Variants in MARCHF7 observed in about 807,000 individuals in gnomAD.
MARCHF7 encodes membrane associated ring-CH-type finger 7.
Under a neutral mutation model 76.5 loss-of-function variants are expected in MARCHF7, and 20 were observed. The ratio of observed to expected loss-of-function variants is 0.26; its 90% CI spans 0.18 to 0.38. The LOEUF (loss-of-function observed/expected upper bound fraction) is 0.38. Among genes scored for constraint, MARCHF7 ranks in the 10% least tolerant of loss-of-function variants. The pLI is 1.00. For synonymous variants in MARCHF7, 295 were observed against 293.0 expected, an observed-to-expected ratio of 1.01 and a Z score of -0.07; for missense variants, 797 against 812.9, an observed-to-expected ratio of 0.98 and a Z score of 0.24.
chr2:159,723,949 A>T (rs1309121829), intron 3 of MARCHF7, among the ~76,000 whole-genome samples: 1 of 152,134 alleles, frequency 6.6e-6, no homozygotes, highest in East Asian at 1.9e-4. Context: ...TTTGCTTGCC[A>T]TGCTTTCTGC....
intron 7 of MARCHF7, among the ~76,000 whole-genome samples, chr2:159,749,581 CA>C (rs1426932660): frequency 6.6e-6 from 1 of 152,002 alleles, no homozygotes; most frequent in African/African-American, 2.4e-5. Flanking sequence ...CTCCTGACCT[CA>C]AATGATCCAC....
At chr2:159,734,428 A>C (rs1477639211) in intron 4 of MARCHF7, among the ~76,000 whole-genome samples, 1 of 152,118 alleles carries the variant, frequency 6.6e-6, no homozygotes, top group East Asian at 1.9e-4. Context: ...ACCTTATGCA[A>C]GTGTAGTTTT....
chr2:159,767,176 A>G lies in MARCHF7; in HGVS notation c.2057-108A>G, dbSNP rs1240680755. On this transcript the variant is annotated intron_variant, in intron 11 of 11. Coordinates refer to ENST00000409175, the MANE Select transcript of MARCHF7 (RefSeq NM_001282805.2). ...TCATTTTGATCAAACAATATACTAAATTGGGATTTTTGTTTTTACAAGTCA... is the reference window on the plus strand; with the variant it reads ...TCATTTTGATCAAACAATATACTAAGTTGGGATTTTTGTTTTTACAAGTCA... 8 of 771,872 alleles carry G rather than the reference A, an allele frequency of 1.0e-5. No homozygotes were observed. The African/African-American group carries it at 1.2e-4, about 12-fold the overall frequency. The allele number at this position is 771,872 out of a possible 1,614,324, so 47.8% of individuals were successfully genotyped here.
intron 4 of MARCHF7, among the ~76,000 whole-genome samples, chr2:159,731,880 G>A (rs780590497): frequency 1.1e-4 from 17 of 151,904 alleles, no homozygotes; most frequent in Non-Finnish European, 1.9e-4. Flanking sequence ...TTAGGCAGGC[G>A]GATCACAAGG....
Position 159,750,976 on chromosome 2 carries a change from C to A in MARCHF7, c.1614-1426C>A, listed in dbSNP as rs113252110. Reference sequence around the variant, plus strand: ...ATTGGGCTACCATACTCCTATTTTTCATTTTATAGGACAGATTTTACCATG... The same window carrying A: ...ATTGGGCTACCATACTCCTATTTTTAATTTTATAGGACAGATTTTACCATG... On this transcript the variant is annotated intron_variant, in intron 7 of 11. Transcript: ENST00000409175. Among the ~76,000 whole-genome samples, 626 of 152,220 alleles carry A rather than the reference C, an allele frequency of 4.1e-3. 3 individuals carry two copies. Among genetic ancestry groups the A allele is most frequent in the African/African-American group, 0.014 (572 of 41,548 alleles).
At chr2:159,759,881 G>A (rs1307717376) in intron 9 of MARCHF7, among the ~76,000 whole-genome samples, 2 of 152,184 alleles carry the variant, frequency 1.3e-5, no homozygotes, top group Non-Finnish European at 2.9e-5. Flanking sequence ...ATGACTGTTT[G>A]AGGCCAGGAG....
intron 7 of MARCHF7, 140 bp downstream of exon 7, chr2:159,749,043 A>C: frequency 1.0e-6 from 1 of 966,704 alleles, no homozygotes; most frequent in Non-Finnish European, 1.4e-6. Flanking sequence ...TAATGGCACC[A>C]TCTCGGCTCA....
intron 4 of MARCHF7, among the ~76,000 whole-genome samples, chr2:159,739,329 A>G (rs1462086072): frequency 6.6e-6 from 1 of 152,246 alleles, no homozygotes; most frequent in African/African-American, 2.4e-5. Flanking sequence ...TGCTGCTGCC[A>G]TCACAGCTGT....
At chr2:159,745,238 G>A (rs1459888231) in intron 5 of MARCHF7, among the ~76,000 whole-genome samples, 1 of 152,178 alleles carries the variant, frequency 6.6e-6, no homozygotes, top group Admixed American at 6.5e-5. Flanking sequence ...TTTAATGTTA[G>A]GCAGAGAAGA....
intron 3 of MARCHF7, among the ~76,000 whole-genome samples, chr2:159,725,209 G>A (rs1404987420): frequency 6.6e-6 from 1 of 152,182 alleles, no homozygotes; most frequent in Admixed American, 6.5e-5. Context: ...GTAATGGGAT[G>A]GCTGGGTCAA....
chr2:159,767,195 C>G, intron 11 of MARCHF7, 89 bp from the exon 12 acceptor site: 1 of 901,998 alleles, frequency 1.1e-6, no homozygotes, highest in Non-Finnish European at 1.8e-6. Context: ...TTTGTTTTTA[C>G]AAGTCATTGC....
At position 159,769,792 on chromosome 2, in the gene MARCHF7, TGTATG is replaced by T. The variant is rs1708076336; in HGVS notation, c.*2452_*2456del. ...AGTATCAAAATGTACAAAAGAAAGT[TGTATG>T]GGAGTTGAGTGGAAGGTAGGATTTA... On this transcript the variant is annotated 3_prime_UTR_variant, in exon 12 of 12. Transcript: ENST00000409175. The T allele has an allele frequency of 6.6e-6, 1 of 152,230 alleles. No homozygotes were observed. Among genetic ancestry groups the T allele is most frequent in the Admixed American group, 6.5e-5 (1 of 15,288 alleles). The allele number at this position is 152,230 out of a possible 1,614,324, so 9.4% of individuals were successfully genotyped here. A position where few individuals can be genotyped will look rare whatever the true frequency, so the allele number is the denominator to read the frequency against.
intron 4 of MARCHF7, among the ~76,000 whole-genome samples, chr2:159,736,405 T>C (rs540278647): frequency 6.6e-6 from 1 of 152,364 alleles, no homozygotes; most frequent in African/African-American, 2.4e-5. Context: ...ATTGGCCGTT[T>C]ACTGTACATT....
chr2:159,729,469 G>A (rs968211836), intron 4 of MARCHF7, among the ~76,000 whole-genome samples: 2 of 152,024 alleles, frequency 1.3e-5, no homozygotes, highest in Admixed American at 6.5e-5. Context: ...TCAGGAGTTC[G>A]AGACCAGCCT....
intron 10 of MARCHF7, among the ~76,000 whole-genome samples, chr2:159,763,628 G>A (rs762555330): frequency 1.1e-4 from 17 of 152,116 alleles, no homozygotes; most frequent in Non-Finnish European, 2.2e-4. Context: ...CTATGTATCT[G>A]CCATTATTGT....
At position 159,743,075 on chromosome 2, in the gene MARCHF7, A is replaced by C. The variant is rs1467473612; in HGVS notation, c.168A>C (p.Ser56=). 6.2e-7 allele frequency: 1 copy of C among 1,613,234 alleles called. No homozygotes were observed. The highest frequency in any genetic ancestry group is 1.1e-5 in the South Asian group (1 of 90,932). The stretch of plus-strand genomic sequence containing the variant: ...TGAACTCACAGTCTACATCAGCATC[A>C]GCATCTGCGTCACCATTTCAATCTG... The part of the protein sequence containing the change: ...LDSEYQSTSA[S]ASASPFQSAW... Residue 56 remains serine, a synonymous_variant, in exon 5 of 12, where the codon TCA becomes TCC. Transcript: ENST00000409175.
intron 4 of MARCHF7, among the ~76,000 whole-genome samples, chr2:159,736,828 A>G (rs906171619): frequency 6.6e-6 from 1 of 152,226 alleles, no homozygotes; most frequent in Non-Finnish European, 1.5e-5. Flanking sequence ...TAGAGTATCT[A>G]TAGCTATTAA....
At chr2:159,767,149 TATC>T (rs1707896219) in intron 11 of MARCHF7, 132 bp from the exon 12 acceptor site, 4 of 654,568 alleles carry the variant, frequency 6.1e-6, no homozygotes, top group Non-Finnish European at 1.1e-5. Context: ...TCATACAACT[TATC>T]ATTTTGATCA....
chr2:159,730,772 T>C (rs1702690555), intron 4 of MARCHF7, among the ~76,000 whole-genome samples: 1 of 152,220 alleles, frequency 6.6e-6, no homozygotes, highest in African/African-American at 2.4e-5. Flanking sequence ...TAAAAATATA[T>C]ATAGCTTATT....
Sources: allele counts gnomAD v4.1 joint callset (sites outside exome capture counted in the v4.1 genomes callset), GRCh38; gene constraint gnomAD v4.1.1; transcripts MANE v1.5; gene names NCBI Gene and HGNC (gene_info 2026-07-23, HGNC 2026-07-21).